PIEZO2: variants seen among roughly 807,000 people sequenced by gnomAD.
The protein encoded by PIEZO2 is piezo-type mechanosensitive ion channel component 2.
A neutral mutation model predicts 337.3 loss-of-function variants in PIEZO2; 172 were observed. The ratio of observed to expected loss-of-function variants is 0.51; its 90% CI spans 0.45 to 0.58. The LOEUF (loss-of-function observed/expected upper bound fraction) is 0.58. Ranked by LOEUF, PIEZO2 falls within the 20% of genes least tolerant of loss-of-function variation. The pLI is 0.00. For missense variants in PIEZO2, 3,028 were observed against 3,391.3 expected, an observed-to-expected ratio of 0.89 and a Z score of 2.66; for synonymous variants, 1,251 against 1,228.5, an observed-to-expected ratio of 1.02 and a Z score of -0.38.
intron 2 of PIEZO2, among the ~76,000 whole-genome samples, chr18:11,037,434 C>A (rs577837193): frequency 7.9e-5 from 12 of 152,242 alleles, no homozygotes; most frequent in African/African-American, 2.9e-4. Flanking sequence ...AGCTCCAATT[C>A]TATGTTCTAT....
chr18:10,780,085 T>G (rs2038926085), intron 18 of PIEZO2, among the ~76,000 whole-genome samples: 1 of 152,170 alleles, frequency 6.6e-6, no homozygotes, highest in African/African-American at 2.4e-5. Context: ...GACGTAAGTT[T>G]GAACCAAGGC....
chr18:10,887,921 T>A (rs2144910626), intron 4 of PIEZO2, among the ~76,000 whole-genome samples: 1 of 152,302 alleles, frequency 6.6e-6, no homozygotes, highest in East Asian at 1.9e-4. Context: ...GATCACCTAG[T>A]CGAATTGGCG....
intron 3 of PIEZO2, among the ~76,000 whole-genome samples, chr18:10,970,706 C>A (rs889772058): frequency 2.2e-5 from 3 of 134,732 alleles, no homozygotes; most frequent in African/African-American, 5.5e-5. Context: ...ACACACACAG[C>A]TGGGTGTGAG....
rs1309598035 is a variant in PIEZO2, at chr18:10,833,134, G to A, written c.917+22219C>T. 6.6e-6 allele frequency among the ~76,000 whole-genome samples: 1 copy of A among 152,116 alleles called. No individual in the cohort carries two copies. The highest frequency in any genetic ancestry group is 1.5e-5 in the Non-Finnish European group (1 of 68,004). On this transcript the variant is annotated intron_variant, in intron 7 of 55. Coordinates refer to ENST00000674853, the MANE Select transcript of PIEZO2 (RefSeq NM_001378183.1). The surrounding 1 kb of genome is among the most constrained non-coding windows in gnomAD (Gnocchi z 4.7). ...CAGAAGAGCAAGTGTGGCTTTTCCT[G>A]GCAGAGAGGCAGCAACACCCAAGGA...
chr18:10,945,399 C>T lies in PIEZO2; in HGVS notation c.286+34136G>A, dbSNP rs1202302615. Among the ~76,000 whole-genome samples, 1 of 152,152 alleles carries T rather than the reference C, an allele frequency of 6.6e-6. No individual in the cohort carries two copies. The highest frequency in any genetic ancestry group is 1.5e-5 in the Non-Finnish European group (1 of 68,026). ...AAGAGAGAACAGTGCCCACCTTTCT[C>T]ACAGAGGAATACTGTCTACATTGAG... is the stretch of plus-strand genomic sequence containing the variant. On this transcript the variant is annotated intron_variant, in intron 3 of 55. Transcript: ENST00000674853. The surrounding 1 kb of genome is among the most constrained non-coding windows in gnomAD (Gnocchi z 4.0).
In PIEZO2 at chr18:11,125,975, C is replaced by T. The variant is rs968403454; in HGVS notation, c.64+22550G>A. On this transcript the variant is annotated intron_variant, in intron 1 of 55. Transcript: ENST00000674853. This position sits in a 1 kb window ranked among gnomAD's most constrained non-coding sequence, Gnocchi z 4.4. ...CCATAAGATGGACAGACAAGTAGCACGTGACTGTGGTTTTATCCAGAGTGT... is the reference window on the plus strand; with the variant it reads ...CCATAAGATGGACAGACAAGTAGCATGTGACTGTGGTTTTATCCAGAGTGT... 3.3e-5 allele frequency among the ~76,000 whole-genome samples: 5 copies of T among 152,206 alleles called. No homozygotes were observed. Among genetic ancestry groups the T allele is most frequent in the Non-Finnish European group, 5.9e-5 (4 of 68,046 alleles).
intron 36 of PIEZO2, among the ~76,000 whole-genome samples, chr18:10,725,822 G>A (rs1414926085): frequency 2.0e-5 from 3 of 152,216 alleles, no homozygotes; most frequent in African/African-American, 7.2e-5. Flanking sequence ...CTCCAGGGTG[G>A]ATGGAAGGCC....
rs185839224 is a variant in PIEZO2, at chr18:11,142,637, G to A, written c.64+5888C>T. Among the ~76,000 whole-genome samples the A allele has an allele frequency of 4.3e-4, 65 of 151,964 alleles. 1 individual carries two copies. Among genetic ancestry groups the A allele is most frequent in the East Asian group, 1.7e-3 (9 of 5,160 alleles). On this transcript the variant is annotated intron_variant, in intron 1 of 55. Transcript: ENST00000674853. ...TCTACTAAAAATACAAAAAATTAGC[G>A]GACTGGGGTGGTGCACGCCTGTAAT...
intron 2 of PIEZO2, among the ~76,000 whole-genome samples, chr18:10,996,818 A>G (rs754489291): frequency 1.3e-5 from 2 of 152,170 alleles, no homozygotes; most frequent in African/African-American, 2.4e-5. Context: ...TATTTTATGT[A>G]CATACTTTAT....
At chr18:11,093,933 G>A (rs1256825898) in intron 1 of PIEZO2, among the ~76,000 whole-genome samples, 2 of 151,904 alleles carry the variant, frequency 1.3e-5, no homozygotes, top group Non-Finnish European at 2.9e-5. Context: ...GTCTCGGATA[G>A]CTAAAATTAT....
rs374768494 is a variant in PIEZO2 at position 10,725,458 on chromosome 18, T to C, written c.5029+5949A>G. 91 of 1,574,094 alleles carry C rather than the reference T, an allele frequency of 5.8e-5. No individual in the cohort carries two copies. In the African/African-American group the frequency reaches 9.2e-4, roughly 16 times the overall value. Reference sequence around the variant, plus strand: ...TTGGAGGGCATGCTGTGGCATGAAATAGGTCAGGGTGTGGGTATCCGGGTG... The same window carrying C: ...TTGGAGGGCATGCTGTGGCATGAAACAGGTCAGGGTGTGGGTATCCGGGTG... On this transcript the variant is annotated intron_variant, in intron 36 of 55. Transcript: ENST00000674853.
At chr18:11,145,535 T>C (rs1327456423) in intron 1 of PIEZO2, among the ~76,000 whole-genome samples, 1 of 152,216 alleles carries the variant, frequency 6.6e-6, no homozygotes, top group Non-Finnish European at 1.5e-5. Context: ...AAGGCTGCCT[T>C]TTCCAGATAT....
rs1490013265 is a variant in PIEZO2, at chr18:10,877,415, C to T, written c.330-6000G>A. Among the ~76,000 whole-genome samples, 1 of 152,206 alleles carries T rather than the reference C, an allele frequency of 6.6e-6. No homozygotes were observed. Among genetic ancestry groups the T allele is most frequent in the Non-Finnish European group, 1.5e-5 (1 of 68,034 alleles). ...CCAGTCCAACTCGTCCGCTGAGAAA[C>T]ATTAGCATATATCCATTTTCCTACT... On this transcript the variant is annotated intron_variant, in intron 4 of 55. Transcript: ENST00000674853. The surrounding 1 kb of genome is among the most constrained non-coding windows in gnomAD (Gnocchi z 5.3).
Position 10,862,222 on chromosome 18 carries a change from AAAAAT to A in PIEZO2, c.493-5016_493-5012del, listed in dbSNP as rs1330099310. 6.6e-6 allele frequency among the ~76,000 whole-genome samples: 1 copy of A among 152,148 alleles called. No individual in the cohort carries two copies. Among genetic ancestry groups the A allele is most frequent in the African/African-American group, 2.4e-5 (1 of 41,440 alleles). The stretch of plus-strand genomic sequence containing the variant: ...TATATATAATAGTTATTAGTCAGTT[AAAAAT>A]AAAATAAAAATAATAGAATACTGGA... On this transcript the variant is annotated intron_variant, in intron 5 of 55. Transcript: ENST00000674853. The surrounding 1 kb of genome is among the most constrained non-coding windows in gnomAD (Gnocchi z 4.4).
At position 10,795,053 on chromosome 18, in the gene PIEZO2, C is replaced by T. The variant is rs7236574; in HGVS notation, c.1528-51G>A. ...GACCATGGTCAATACAATGCTCAGT[C>T]CCCCCCGCCCTGGTAAGGTAAAAAC... On this transcript the variant is annotated intron_variant, in intron 12 of 55. Coordinates refer to ENST00000674853, the MANE Select transcript of PIEZO2 (RefSeq NM_001378183.1). The surrounding 1 kb of genome is among the most constrained non-coding windows in gnomAD (Gnocchi z 4.4). 5.7e-6 allele frequency: 8 copies of T among 1,394,940 alleles called. No individual in the cohort carries two copies. Among genetic ancestry groups the T allele is most frequent in the African/African-American group, 4.3e-5 (3 of 69,808 alleles). The allele number at this position is 1,394,940 out of a possible 1,614,324, so 86.4% of individuals were successfully genotyped here. A position where few individuals can be genotyped will look rare whatever the true frequency, so the allele number is the denominator to read the frequency against.
In PIEZO2 at chr18:10,846,054, C is replaced by T. The variant is rs1177986775; in HGVS notation, c.917+9299G>A. Among the ~76,000 whole-genome samples, 2 of 152,136 alleles carry T rather than the reference C, an allele frequency of 1.3e-5. No individual in the cohort carries two copies. Among genetic ancestry groups the T allele is most frequent in the African/African-American group, 4.8e-5 (2 of 41,430 alleles). On this transcript the variant is annotated intron_variant, in intron 7 of 55. Coordinates refer to ENST00000674853, the MANE Select transcript of PIEZO2 (RefSeq NM_001378183.1). This position sits in a 1 kb window ranked among gnomAD's most constrained non-coding sequence, Gnocchi z 4.1. ...ATGACCTTTCTGGAAAATAATTTCC[C>T]CACACATCTTATAGCCAGTGGCCAC...
intron 30 of PIEZO2, among the ~76,000 whole-genome samples, chr18:10,745,531 T>C (rs924926161): frequency 6.6e-6 from 1 of 152,142 alleles, no homozygotes; most frequent in African/African-American, 2.4e-5. Context: ...GATTTCAATG[T>C]TCAGTTGTTA....
At chr18:11,024,084 AG>A (rs2036434089) in intron 2 of PIEZO2, among the ~76,000 whole-genome samples, 1 of 152,198 alleles carries the variant, frequency 6.6e-6, no homozygotes, top group African/African-American at 2.4e-5. Flanking sequence ...CAGCCCAGAA[AG>A]GGGCTCCCAC....
At chr18:11,056,743 A>T (rs982516570) in intron 2 of PIEZO2, among the ~76,000 whole-genome samples, 27 of 152,104 alleles carry the variant, frequency 1.8e-4, no homozygotes, top group Admixed American at 1.2e-3. Context: ...AAATGGCTCT[A>T]TGTACAACCA....
Sources: gnomAD v4.1 joint callset for allele counts (sites outside exome capture counted in the v4.1 genomes callset) on GRCh38, gnomAD v4.1.1 for gene constraint, Gnocchi (gnomAD v3.1) non-coding constraint, MANE v1.5 for transcripts, NCBI Gene and HGNC (gene_info 2026-07-23, HGNC 2026-07-21) for gene names.